The following ZFPM2 variants were observed in gnomAD, a reference collection of about 807,000 sequenced individuals.
ZFPM2 encodes zinc finger protein, FOG family member 2.
Under a neutral mutation model 98.6 loss-of-function variants are expected in ZFPM2, and 20 were observed. The observed-to-expected ratio is 0.20, with a 90% CI of 0.14 to 0.29. The LOEUF (loss-of-function observed/expected upper bound fraction) is 0.29, where lower values mean the gene tolerates loss of function less well. ZFPM2 is among the 10% of genes least tolerant of loss of function. The pLI is 1.00. For synonymous variants in ZFPM2, 518 were observed against 502.7 expected (o/e 1.03, Z -0.41); for missense variants, 1,310 against 1,388.6 (o/e 0.94, Z 0.90).
At chr8:105,329,678 T>TAAA (rs1812176257) in intron 1 of ZFPM2, among the ~76,000 whole-genome samples, 1 of 151,718 alleles carries the variant, frequency 6.6e-6, no homozygotes, top group African/African-American at 2.4e-5. Flanking sequence ...TAATCTAGAG[T>TAAA]TATCAGTCCA....
rs35895775 is a variant in ZFPM2, at chr8:105,754,681, C to CT, written c.533-34024dup. 7.1e-3 allele frequency among the ~76,000 whole-genome samples: 1,042 copies of CT among 146,770 alleles called. 6 individuals are homozygous for CT. The highest frequency in any genetic ancestry group is 0.017 in the African/African-American group (675 of 40,572). On this transcript the variant is annotated intron_variant, in intron 5 of 7. Coordinates refer to ENST00000407775, the MANE Select transcript of ZFPM2 (RefSeq NM_012082.4). ...ATTGTAAGAGAAAAGTAGTAGCAAC[C>CT]TTTTTTTTTTTTTCTATTGATGGAG... is the stretch of plus-strand genomic sequence containing the variant.
chr8:105,657,915 G>C (rs1817316249), intron 5 of ZFPM2, among the ~76,000 whole-genome samples: 1 of 152,002 alleles, frequency 6.6e-6, no homozygotes, highest in South Asian at 2.1e-4. Context: ...AGCCCACAGT[G>C]GTTCAAATCT....
intron 3 of ZFPM2, among the ~76,000 whole-genome samples, chr8:105,479,119 G>T (rs1813067409): frequency 6.6e-6 from 1 of 152,082 alleles, no homozygotes; most frequent in Admixed American, 6.5e-5. Flanking sequence ...CTTAGCTGAC[G>T]ATGGTAAAGT....
At chr8:105,705,513 A>T (rs576052988) in intron 5 of ZFPM2, among the ~76,000 whole-genome samples, 2 of 152,308 alleles carry the variant, frequency 1.3e-5, no homozygotes, top group South Asian at 4.2e-4. Context: ...AATTGGGACA[A>T]ATAAGTAGTA....
At chr8:105,664,930 A>T (rs1586183337) in intron 5 of ZFPM2, among the ~76,000 whole-genome samples, 2 of 152,274 alleles carry the variant, frequency 1.3e-5, no homozygotes, top group African/African-American at 4.8e-5. Flanking sequence ...AAGTACTAGG[A>T]ATTATTAGGA....
chr8:105,433,168 G>A lies in ZFPM2; in HGVS notation c.200-11112G>A, dbSNP rs112859528. ...ATGTATCTCACCCTTTCATGTGCTC[G>A]TTGAGAGAAATAATGAGGAATAAAA... On this transcript the variant is annotated intron_variant, in intron 2 of 7. Transcript: ENST00000407775. 2.2e-3 allele frequency among the ~76,000 whole-genome samples: 342 copies of A among 152,244 alleles called. 1 individual carries two copies. The highest frequency in any genetic ancestry group is 7.7e-3 in the African/African-American group (319 of 41,530).
intron 1 of ZFPM2, among the ~76,000 whole-genome samples, chr8:105,324,702 T>C (rs982517971): frequency 7.9e-5 from 12 of 151,940 alleles, no homozygotes; most frequent in Non-Finnish European, 1.3e-4. Context: ...TATATAACTT[T>C]TCCTCAAAAG....
intron 3 of ZFPM2, among the ~76,000 whole-genome samples, chr8:105,556,725 T>A (rs1394249539): frequency 1.4e-4 from 6 of 43,806 alleles, no homozygotes; most frequent in East Asian, 8.2e-4. Context: ...TTCCCTCCCC[T>A]CCCCTCCCCT....
chr8:105,647,193 A>G (rs146834139), intron 5 of ZFPM2, among the ~76,000 whole-genome samples: 74 of 151,970 alleles, frequency 4.9e-4, no homozygotes, highest in African/African-American at 1.7e-3. Flanking sequence ...CATTTCATCA[A>G]TTTTCTAGAT....
At chr8:105,561,751 AC>A (rs755465025) in intron 4 of ZFPM2, among the ~76,000 whole-genome samples, 2 of 152,200 alleles carry the variant, frequency 1.3e-5, no homozygotes, top group African/African-American at 4.8e-5. Flanking sequence ...GCTTAGCCAG[AC>A]CAAGACTGTT....
chr8:105,717,691 C>A (rs1811557709), intron 5 of ZFPM2, among the ~76,000 whole-genome samples: 1 of 151,730 alleles, frequency 6.6e-6, no homozygotes, highest in Non-Finnish European at 1.5e-5. Flanking sequence ...TATTTACTAT[C>A]CTTATAATTT....
chr8:105,551,819 A>G (rs1487012381), intron 3 of ZFPM2, among the ~76,000 whole-genome samples: 1 of 152,140 alleles, frequency 6.6e-6, no homozygotes, highest in African/African-American at 2.4e-5. Flanking sequence ...ATCTCCAACT[A>G]TACAATCTCA....
intron 5 of ZFPM2, among the ~76,000 whole-genome samples, chr8:105,714,434 T>C (rs181617629): frequency 2.7e-3 from 415 of 152,198 alleles, no homozygotes; most frequent in South Asian, 6.4e-3. Flanking sequence ...GACTTTCTCC[T>C]ATCTTTTTTG....
chr8:105,702,672 G>C (rs1245457771), intron 5 of ZFPM2, among the ~76,000 whole-genome samples: 2 of 152,216 alleles, frequency 1.3e-5, no homozygotes, highest in Non-Finnish European at 2.9e-5. Context: ...AACCCCAAAA[G>C]GGGACACGTG....
chr8:105,352,652 T>A (rs112262538), intron 1 of ZFPM2, among the ~76,000 whole-genome samples: 2 of 152,148 alleles, frequency 1.3e-5, no homozygotes, highest in African/African-American at 2.4e-5. Flanking sequence ...CTCGAGCAGA[T>A]GAAAATAAGA....
intron 1 of ZFPM2, among the ~76,000 whole-genome samples, chr8:105,383,716 C>G (rs1232589676): frequency 6.6e-6 from 1 of 152,006 alleles, no homozygotes; most frequent in African/African-American, 2.4e-5. Context: ...TATATTGTTG[C>G]ATGCTATTTT....
chr8:105,402,280 A>G (rs546224728), intron 1 of ZFPM2, among the ~76,000 whole-genome samples: 2 of 152,010 alleles, frequency 1.3e-5, no homozygotes, highest in South Asian at 2.1e-4. Flanking sequence ...CTAATCTTCA[A>G]TTTGTTCAAT....
intron 5 of ZFPM2, among the ~76,000 whole-genome samples, chr8:105,673,062 T>A (rs2130907502): frequency 6.6e-6 from 1 of 152,220 alleles, no homozygotes; most frequent in South Asian, 2.1e-4. Context: ...TTATTCTAGC[T>A]ACGATTTCAC....
At chr8:105,775,249 T>G (rs963027490) in intron 5 of ZFPM2, among the ~76,000 whole-genome samples, 2 of 152,042 alleles carry the variant, frequency 1.3e-5, no homozygotes, top group African/African-American at 4.8e-5. Flanking sequence ...CAGCCTCCTA[T>G]GATGAACTTG....
Sources: gnomAD v4.1 joint callset for allele counts (sites outside exome capture counted in the v4.1 genomes callset) on GRCh38, gnomAD v4.1.1 for gene constraint, MANE v1.5 for transcripts, NCBI Gene and HGNC (gene_info 2026-07-23, HGNC 2026-07-21) for gene names.